Variants in PDE10A observed in about 807,000 individuals in gnomAD.
PDE10A encodes the protein cAMP and cAMP-inhibited cGMP 3',5'-cyclic phosphodiesterase 10A.
Under a neutral mutation model 97.7 loss-of-function variants are expected in PDE10A, and 39 were observed. That is an observed-to-expected ratio of 0.40 (90% confidence interval 0.31 to 0.52). The LOEUF (loss-of-function observed/expected upper bound fraction) is 0.52, where lower values mean the gene tolerates loss of function less well. PDE10A is among the 20% of genes least tolerant of loss of function. PDE10A has a pLI of 0.56. For missense variants in PDE10A, 731 were observed against 1,047.8 expected (o/e 0.70, Z 4.17); for synonymous variants, 371 against 376.8 (o/e 0.98, Z 0.18).
intron 2 of PDE10A, among the ~76,000 whole-genome samples, chr6:165,488,743 G>A (rs1583391821): frequency 1.3e-5 from 2 of 152,244 alleles, no homozygotes; most frequent in South Asian, 4.1e-4. Context: ...AACTCAGTGT[G>A]TTGCGGGGCA....
intron 1 of PDE10A, among the ~76,000 whole-genome samples, chr6:165,824,974 A>G (rs2128469833): frequency 6.7e-6 from 1 of 148,320 alleles, no homozygotes; most frequent in Non-Finnish European, 1.5e-5. Context: ...CTACTAAAAA[A>G]AAAAAAAAAA....
intron 2 of PDE10A, among the ~76,000 whole-genome samples, chr6:165,501,156 T>C (rs1780855073): frequency 6.6e-6 from 1 of 152,210 alleles, no homozygotes; most frequent in African/African-American, 2.4e-5. Flanking sequence ...TCTTTCTCTA[T>C]ACTTTGTGCC....
chr6:165,956,313 A>G lies in PDE10A; in HGVS notation c.-615+31216T>C, dbSNP rs1583344315. ...TTTGAAGAGTTCAAGAGAAGGAATC[A>G]ATGCCTGTGGCAATTTCTCTTCATC... On this transcript the variant is annotated intron_variant, in intron 1 of 19. Coordinates refer to the PDE10A transcript ENST00000366882. Among the ~76,000 whole-genome samples, 4 of 152,350 alleles carry G rather than the reference A, an allele frequency of 2.6e-5. No individual in the cohort carries two copies. In the South Asian group the frequency reaches 8.3e-4, roughly 32 times the overall value.
At chr6:165,493,747 A>G (rs1316902972) in intron 2 of PDE10A, among the ~76,000 whole-genome samples, 5 of 152,104 alleles carry the variant, frequency 3.3e-5, no homozygotes, top group Non-Finnish European at 7.4e-5. Context: ...GAAAAACCCT[A>G]CTAGACACTG....
chr6:165,945,004 C>T (rs1193641491), intron 1 of PDE10A, among the ~76,000 whole-genome samples: 1 of 152,202 alleles, frequency 6.6e-6, no homozygotes, highest in Non-Finnish European at 1.5e-5. Context: ...ATGGTGGCCC[C>T]TGTGACCCCC....
intron 1 of PDE10A, among the ~76,000 whole-genome samples, chr6:165,698,835 T>A (rs1562691442): frequency 6.6e-6 from 1 of 152,074 alleles, no homozygotes; most frequent in Non-Finnish European, 1.5e-5. Flanking sequence ...AGTGAGACTT[T>A]GTCTCAAAAA....
At position 165,794,406 on chromosome 6, in the gene PDE10A, TCA is replaced by T. The variant is rs565456439; in HGVS notation, c.-615+193121_-615+193122del. 2.7e-4 allele frequency among the ~76,000 whole-genome samples: 41 copies of T among 150,376 alleles called. 2 individuals are homozygous for T. In the East Asian group the frequency reaches 7.9e-3, roughly 29 times the overall value. ...CCACACTCACACATGCTCACACTCA[TCA>T]CACACTCCTACACTCACTCACACAC... On this transcript the variant is annotated intron_variant, in intron 1 of 19. Coordinates refer to the PDE10A transcript ENST00000366882.
intron 1 of PDE10A, among the ~76,000 whole-genome samples, chr6:165,955,925 A>C (rs1784122487): frequency 6.6e-6 from 1 of 152,234 alleles, no homozygotes; most frequent in Non-Finnish European, 1.5e-5. Flanking sequence ...TATACAGAAG[A>C]AGCATCTTGT....
rs142090243 is a variant in PDE10A, at chr6:165,527,727, A to C, written c.994+15713T>G. Among the ~76,000 whole-genome samples, 1,055 of 152,338 alleles carry C rather than the reference A, an allele frequency of 6.9e-3. 16 individuals carry two copies. Among genetic ancestry groups the C allele is most frequent in the African/African-American group, 0.024 (994 of 41,580 alleles). The stretch of plus-strand genomic sequence containing the variant: ...GGTATATACATGATCAGGCTCCAGC[A>C]GGTCCTGAAGGCACAAGTAAGTTAC... On this transcript the variant is annotated intron_variant, in intron 2 of 21. Transcript: ENST00000539869.
rs1213521813 is a variant in PDE10A, at chr6:165,575,489, G to A, written c.866-31921C>T. 2.6e-5 allele frequency among the ~76,000 whole-genome samples: 4 copies of A among 151,922 alleles called. No homozygotes were observed. The East Asian group carries it at 7.7e-4, about 29-fold the overall frequency. The stretch of plus-strand genomic sequence containing the variant: ...CTAACTCAGCTGGCTCTCTTTTTTG[G>A]TTCTTGATTCCTTCTTTTCCTTGCT... On this transcript the variant is annotated intron_variant, in intron 1 of 21. Coordinates refer to ENST00000539869, the MANE Select transcript of PDE10A (RefSeq NM_001385079.1).
Position 165,577,868 on chromosome 6 carries a change from C to T in PDE10A, c.866-34300G>A, listed in dbSNP as rs372921177. 1.2e-4 allele frequency among the ~76,000 whole-genome samples: 18 copies of T among 152,146 alleles called. 1 individual carries two copies. The highest frequency in any genetic ancestry group is 7.9e-4 in the Admixed American group (12 of 15,282). ...AAACTTCCTACAGCTGGGGAGGGCCCGAGACCCGAGTCCAGCAGCTAGAGG... is the reference window on the plus strand; with the variant it reads ...AAACTTCCTACAGCTGGGGAGGGCCTGAGACCCGAGTCCAGCAGCTAGAGG... On this transcript the variant is annotated intron_variant, in intron 1 of 21. Coordinates refer to ENST00000539869, the MANE Select transcript of PDE10A (RefSeq NM_001385079.1).
At chr6:165,433,962 A>T (rs1789798196) in intron 6 of PDE10A, among the ~76,000 whole-genome samples, 1 of 141,554 alleles carries the variant, frequency 7.1e-6, no homozygotes, top group Non-Finnish European at 1.5e-5. Context: ...GCTTGCAGTG[A>T]GCCGAGATCA....
At chr6:165,658,074 GTGT>G (rs1203094879) in intron 1 of PDE10A, among the ~76,000 whole-genome samples, 1 of 152,194 alleles carries the variant, frequency 6.6e-6, no homozygotes, top group Non-Finnish European at 1.5e-5. Context: ...CCACTGCTGA[GTGT>G]TGTTCTCGCA....
intron 1 of PDE10A, among the ~76,000 whole-genome samples, chr6:165,985,272 G>C (rs1162024958): frequency 6.6e-6 from 1 of 152,232 alleles, no homozygotes; most frequent in African/African-American, 2.4e-5. Context: ...GAAAAAGCCT[G>C]ACTAGTTCAT....
At chr6:165,857,043 G>T (rs1405957969) in intron 1 of PDE10A, among the ~76,000 whole-genome samples, 2 of 152,112 alleles carry the variant, frequency 1.3e-5, no homozygotes, top group African/African-American at 4.8e-5. Context: ...CCCAAGATAC[G>T]CAGACCTGTT....
chr6:165,505,885 G>GA (rs1318686585), intron 2 of PDE10A, among the ~76,000 whole-genome samples: 5 of 150,388 alleles, frequency 3.3e-5, no homozygotes, highest in East Asian at 3.9e-4. Context: ...TGAATTCCAA[G>GA]AAAAAAAATA....
At chr6:165,626,020 G>C (rs1292439831) in intron 1 of PDE10A, among the ~76,000 whole-genome samples, 1 of 152,206 alleles carries the variant, frequency 6.6e-6, no homozygotes, top group Non-Finnish European at 1.5e-5. Flanking sequence ...TTGGAGGCCT[G>C]AGCTTTGCAG....
At chr6:165,636,760 T>C (rs1269110799) in intron 1 of PDE10A, among the ~76,000 whole-genome samples, 1 of 152,218 alleles carries the variant, frequency 6.6e-6, no homozygotes, top group Non-Finnish European at 1.5e-5. Flanking sequence ...GAAATGAGGC[T>C]CCTTTTGATG....
At chr6:165,550,285 A>C (rs778350774) in intron 1 of PDE10A, among the ~76,000 whole-genome samples, 9 of 152,220 alleles carry the variant, frequency 5.9e-5, no homozygotes, top group Non-Finnish European at 1.2e-4. Context: ...ACCTTTAAAA[A>C]AATTCTAAGG....
Sources: allele counts gnomAD v4.1 joint callset (sites outside exome capture counted in the v4.1 genomes callset), GRCh38; gene constraint gnomAD v4.1.1; transcripts MANE v1.5; gene names NCBI Gene and HGNC (gene_info 2026-07-23, HGNC 2026-07-21).